The following KRTAP1-1 variants were observed in gnomAD, a reference collection of about 807,000 sequenced individuals.
KRTAP1-1 encodes keratin-associated protein 1-1.
KRTAP1-1 carries 9 observed loss-of-function variants against 14.1 expected under a neutral mutation model. That is an observed-to-expected ratio of 0.64 (90% CI 0.39 to 1.12). The LOEUF is 1.12. Among genes scored for constraint, KRTAP1-1 ranks in the 50% most tolerant of loss-of-function variants. KRTAP1-1 has a pLI of 0.01. For synonymous variants in KRTAP1-1, 77 were observed against 80.5 expected, an observed-to-expected ratio of 0.96 and a Z score of 0.23; for missense variants, 179 against 230.9, an observed-to-expected ratio of 0.78 and a Z score of 1.46.
chr17:41,040,750 T>C lies in KRTAP1-1; in HGVS notation c.*114A>G, dbSNP rs1159650139. 8 of 1,183,930 alleles carry C rather than the reference T, an allele frequency of 6.8e-6. No homozygotes were observed. In the Admixed American group the frequency reaches 1.8e-4, roughly 26 times the overall value. The allele number at this position is 1,183,930 out of a possible 1,614,324, so 73.3% of individuals were successfully genotyped here. On this transcript the variant is annotated 3_prime_UTR_variant, in exon 1 of 1. Transcript: ENST00000306271. ...TTCCTAGGGAATTTATGTGGCTGTG[T>C]GATGAGAGGTTGCAAGCCCAGTTAT...
Position 41,040,603 on chromosome 17 carries a change from T to A in KRTAP1-1, c.*261A>T. 1 of 419,398 alleles carries A rather than the reference T, an allele frequency of 2.4e-6. No individual in the cohort carries two copies. The highest frequency in any genetic ancestry group is 3.5e-5 in the East Asian group (1 of 28,792). The allele number at this position is 419,398 out of a possible 1,614,324, so 26.0% of individuals were successfully genotyped here. A position where few individuals can be genotyped will look rare whatever the true frequency, so the allele number is the denominator to read the frequency against. ...TTTATTAAATTTAAGTCCCAATAAC[T>A]GTTGAAATATTTCAGGTGATATTTA... On this transcript the variant is annotated 3_prime_UTR_variant, in exon 1 of 1. Transcript: ENST00000306271.
In KRTAP1-1 at chr17:41,041,387, C is replaced by T; in HGVS notation, c.11G>A (p.Cys4Tyr). ...GGGAAATCCACAGAAGCTGGTCTGA[C>T]AGCAGGCCATGGTGTCAGGAGTTGA... MAC[C>Y]QTSFCGFPSC... Residue 4 changes from cysteine (C) to tyrosine (Y), a missense_variant, in exon 1 of 1, where the codon TGT becomes TAT. By Grantham distance (194) the Cys-to-Tyr change is radical. Coordinates refer to ENST00000306271, the MANE Select transcript of KRTAP1-1 (RefSeq NM_030967.3). 1 of 1,613,180 alleles carries T rather than the reference C, an allele frequency of 6.2e-7. No individual in the cohort carries two copies. Among genetic ancestry groups the T allele is most frequent in the Non-Finnish European group, 8.5e-7 (1 of 1,179,898 alleles).
chr17:41,040,855 A>C lies in KRTAP1-1; in HGVS notation c.*9T>G. ...CCATCTTATCAGGATCCCCAGCAGA[A>C]GGAGGTTTTCAACAAGTGGGCTCAG... is the stretch of plus-strand genomic sequence containing the variant. On this transcript the variant is annotated 3_prime_UTR_variant, in exon 1 of 1. Coordinates refer to ENST00000306271, the MANE Select transcript of KRTAP1-1 (RefSeq NM_030967.3). The C allele has an allele frequency of 1.3e-6, 2 of 1,554,780 alleles. No homozygotes were observed. Among genetic ancestry groups the C allele is most frequent in the Middle Eastern group, 1.7e-4 (1 of 5,774 alleles).
Position 41,040,864 on chromosome 17 carries a change from T to C in KRTAP1-1, c.534A>G (p.Ter178TrpextTer14), listed in dbSNP as rs1328791416. Residue 178 changes from the stop codon to tryptophan (W), a stop_lost, in exon 1 of 1, where the codon TGA (stop) becomes TGG (tryptophan). Coordinates refer to ENST00000306271, the MANE Select transcript of KRTAP1-1 (RefSeq NM_030967.3). ...CAGGATCCCCAGCAGAAGGAGGTTT[T>C]CAACAAGTGGGCTCAGAGCAGTAGC... ...CCCYCSEPTC[*>W] is the part of the protein sequence containing the mutation. The C allele has an allele frequency of 6.4e-7, 1 of 1,560,390 alleles. No homozygotes were observed. The highest frequency in any genetic ancestry group is 1.9e-5 in the Admixed American group (1 of 53,528).
rs988661049 is a variant in KRTAP1-1, at chr17:41,041,117, C to G, written c.281G>C (p.Gly94Ala). 6.2e-7 allele frequency: 1 copy of G among 1,614,068 alleles called. No homozygotes were observed. Among genetic ancestry groups the G allele is most frequent in the Non-Finnish European group, 8.5e-7 (1 of 1,179,948 alleles). ...GCCAATGCCACCACCAATGCCACAGCCAGTTCCGCAGGAGCTGGTCTGGTA... is the reference window on the plus strand; with the variant it reads ...GCCAATGCCACCACCAATGCCACAGGCAGTTCCGCAGGAGCTGGTCTGGTA... ...SCYQTSSCGT[G>A]CGIGGGIGYG... Residue 94 changes from glycine to alanine, a missense_variant, in exon 1 of 1, where the codon GGC (glycine) becomes GCC (alanine). By Grantham distance (60) the Gly-to-Ala change is moderately conservative. Coordinates refer to ENST00000306271, the MANE Select transcript of KRTAP1-1 (RefSeq NM_030967.3).
In KRTAP1-1 at chr17:41,040,888, G is replaced by A. The variant is rs1048570683; in HGVS notation, c.510C>T (p.Cys170=). ...TTCAACAAGTGGGCTCAGAGCAGTA[G>A]CAGCAGCAGACTGGGCGGCAACAGG... ...GQSCCRPVCC[C]YCSEPTC Residue 170 remains cysteine (C), a synonymous_variant, in exon 1 of 1, where the codon TGC becomes TGT. Transcript: ENST00000306271. 1.3e-6 allele frequency: 2 copies of A among 1,591,950 alleles called. No homozygotes were observed. The highest frequency in any genetic ancestry group is 1.7e-5 in the Admixed American group (1 of 59,046).
At position 41,040,685 on chromosome 17, in the gene KRTAP1-1, C is replaced by T. The variant is rs2012689193; in HGVS notation, c.*179G>A. 3.0e-6 allele frequency: 2 copies of T among 667,638 alleles called. No homozygotes were observed. Among genetic ancestry groups the T allele is most frequent in the South Asian group, 5.8e-5 (2 of 34,474 alleles). The allele number at this position is 667,638 out of a possible 1,614,324, so 41.4% of individuals were successfully genotyped here. A position where few individuals can be genotyped will look rare whatever the true frequency, so the allele number is the denominator to read the frequency against. On this transcript the variant is annotated 3_prime_UTR_variant, in exon 1 of 1. Transcript: ENST00000306271. Reference sequence around the variant, plus strand: ...GTAGGACTTTGGCTGACAACCAGGTCTAGGAAAAATTTTTGGTCTTCCATT... The same window carrying T: ...GTAGGACTTTGGCTGACAACCAGGTTTAGGAAAAATTTTTGGTCTTCCATT...
chr17:41,041,041 G>A lies in KRTAP1-1; in HGVS notation c.357C>T (p.Cys119=), dbSNP rs769016484. 4.3e-6 allele frequency: 7 copies of A among 1,613,706 alleles called. No homozygotes were observed. In the South Asian group the frequency reaches 6.6e-5, roughly 15 times the overall value. The change falls in exon 1 of 1, where the codon TGC becomes TGT. Residue 119 remains cysteine (C), a synonymous_variant. Transcript: ENST00000306271. Reference sequence around the variant, plus strand: ...TACCCTCCACACGGCAGTCTGGGCGGCACCACCTGATACGGGTGCTCACAG... The same window carrying A: ...TACCCTCCACACGGCAGTCTGGGCGACACCACCTGATACGGGTGCTCACAG... ...SGAVSTRIRW[C]RPDCRVEGTC... is the part of the protein sequence containing the mutation.
chr17:41,041,063 A>C lies in KRTAP1-1; in HGVS notation c.335T>G (p.Val112Gly). 1.2e-6 allele frequency: 2 copies of C among 1,613,814 alleles called. No individual in the cohort carries two copies. The highest frequency in any genetic ancestry group is 1.7e-6 in the Non-Finnish European group (2 of 1,180,012). The change falls in exon 1 of 1, where the codon GTG becomes GGG. Residue 112 changes from valine to glycine, a missense_variant. Val to Gly is a moderately radical substitution (Grantham distance 109). Coordinates refer to ENST00000306271, the MANE Select transcript of KRTAP1-1 (RefSeq NM_030967.3). ...GYGQEGSSGAVSTRIRWCRPD... is the reference protein window; with the variant it reads ...GYGQEGSSGAGSTRIRWCRPD... ...GCGGCACCACCTGATACGGGTGCTC[A>C]CAGCTCCACTGCTGCCCTCCTGGCC...
At position 41,040,781 on chromosome 17, in the gene KRTAP1-1, C is replaced by T. The variant is rs1005857893; in HGVS notation, c.*83G>A. On this transcript the variant is annotated 3_prime_UTR_variant, in exon 1 of 1. Coordinates refer to ENST00000306271, the MANE Select transcript of KRTAP1-1 (RefSeq NM_030967.3). ...GAGGTTGCAAGCCCAGTTATAGGTA[C>T]TGGAGTTCAGAAGATTGTTAGGATT... 106 of 1,385,060 alleles carry T rather than the reference C, an allele frequency of 7.7e-5. 3 individuals carry two copies. The highest frequency in any genetic ancestry group is 7.0e-4 in the South Asian group (49 of 70,084). The allele number at this position is 1,385,060 out of a possible 1,614,324, so 85.8% of individuals were successfully genotyped here. A position where few individuals can be genotyped will look rare whatever the true frequency, so the allele number is the denominator to read the frequency against.
At position 41,040,749 on chromosome 17, in the gene KRTAP1-1, G is replaced by T; in HGVS notation, c.*115C>A. Reference sequence around the variant, plus strand: ...CTTCCTAGGGAATTTATGTGGCTGTGTGATGAGAGGTTGCAAGCCCAGTTA... The same window carrying T: ...CTTCCTAGGGAATTTATGTGGCTGTTTGATGAGAGGTTGCAAGCCCAGTTA... On this transcript the variant is annotated 3_prime_UTR_variant, in exon 1 of 1. Transcript: ENST00000306271. 1 of 1,178,508 alleles carries T rather than the reference G, an allele frequency of 8.5e-7. No homozygotes were observed. The highest frequency in any genetic ancestry group is 1.2e-6 in the Non-Finnish European group (1 of 854,832). The allele number at this position is 1,178,508 out of a possible 1,614,324, so 73.0% of individuals were successfully genotyped here.
rs759174332 is a variant in KRTAP1-1, at chr17:41,041,164, A to C, written c.234T>G (p.Thr78=). 1 of 1,611,668 alleles carries C rather than the reference A, an allele frequency of 6.2e-7. No homozygotes were observed. Among genetic ancestry groups the C allele is most frequent in the Non-Finnish European group, 8.5e-7 (1 of 1,178,864 alleles). ...GGTAGCAGCTTGGCTGGCAGCAGCT[A>C]GTTTCACAGCAGCTTGGCTGGCAGC... is the stretch of plus-strand genomic sequence containing the variant. The part of the protein sequence containing the change: ...SSCCQPSCCE[T]SCCQPSCYQT... Residue 78 remains threonine, a synonymous_variant, in exon 1 of 1, where the codon ACT becomes ACG. Coordinates refer to ENST00000306271, the MANE Select transcript of KRTAP1-1 (RefSeq NM_030967.3).
Position 41,041,314 on chromosome 17 carries a change from G to T in KRTAP1-1, c.84C>A (p.Ser28Arg), listed in dbSNP as rs367698389. Residue 28 changes from serine (S) to arginine (R), a missense_variant, in exon 1 of 1, where the codon AGC becomes AGA. Ser to Arg is a moderately radical substitution (Grantham distance 110). Transcript: ENST00000306271. Reference protein sequence around the residue: ...GTCGSSCCQPSCCETSSCQPR... With the variant: ...GTCGSSCCQPRCCETSSCQPR... ...GCTGGCAGGAGCTGGTCTCACAGCA[G>T]CTTGGCTGGCAGCAGCTGGAGCCGC... The T allele has an allele frequency of 2.3e-5, 36 of 1,536,506 alleles. No individual in the cohort carries two copies. The highest frequency in any genetic ancestry group is 6.1e-5 in the Admixed American group (3 of 49,374).
Position 41,041,045 on chromosome 17 carries a change from C to T in KRTAP1-1, c.353G>A (p.Trp118Ter), listed in dbSNP as rs1405134773. ...SSGAVSTRIRWCRPDCRVEGT... is the reference protein window; with the variant it reads ...SSGAVSTRIR ...CTCCACACGGCAGTCTGGGCGGCAC[C>T]ACCTGATACGGGTGCTCACAGCTCC... Residue 118 changes from tryptophan to a stop codon, truncating the protein, a stop_gained, in exon 1 of 1, where the codon TGG becomes TAG. Coordinates refer to ENST00000306271, the MANE Select transcript of KRTAP1-1 (RefSeq NM_030967.3). LOFTEE classifies it high-confidence loss of function. 4 of 1,613,650 alleles carry T rather than the reference C, an allele frequency of 2.5e-6. No individual in the cohort carries two copies. The highest frequency in any genetic ancestry group is 3.4e-6 in the Non-Finnish European group (4 of 1,180,012).
rs557959680 is a variant in KRTAP1-1 at position 41,041,212 on chromosome 17, G to T, written c.186C>A (p.Thr62=). ...AGCAGCTAGAGTCACAAGTCCCACCGGTTGAGAAGCTAGGAAATCCACAGA... is the reference window on the plus strand; with the variant it reads ...AGCAGCTAGAGTCACAAGTCCCACCTGTTGAGAAGCTAGGAAATCCACAGA... ...TSFCGFPSFS[T]GGTCDSSCCQ... is the part of the protein sequence containing the mutation. Residue 62 remains threonine (T), a synonymous_variant, in exon 1 of 1, where the codon ACC becomes ACA. Coordinates refer to ENST00000306271, the MANE Select transcript of KRTAP1-1 (RefSeq NM_030967.3). 3 of 1,563,714 alleles carry T rather than the reference G, an allele frequency of 1.9e-6. No individual in the cohort carries two copies. The highest frequency in any genetic ancestry group is 1.6e-5 in the African/African-American group (1 of 64,182).
chr17:41,040,812 T>C lies in KRTAP1-1; in HGVS notation c.*52A>G. The stretch of plus-strand genomic sequence containing the variant: ...TTCAGAAGATTGTTAGGATTCTAAT[T>C]TGGCTAGTTTTAAGGTGCCATCTTA... On this transcript the variant is annotated 3_prime_UTR_variant, in exon 1 of 1. Coordinates refer to ENST00000306271, the MANE Select transcript of KRTAP1-1 (RefSeq NM_030967.3). The C allele has an allele frequency of 6.0e-6, 9 of 1,505,554 alleles. No homozygotes were observed. Among genetic ancestry groups the C allele is most frequent in the Non-Finnish European group, 8.0e-6 (9 of 1,120,384 alleles). 93.3% of individuals were successfully genotyped at this position (1,505,554 alleles called of 1,614,324 possible).
In KRTAP1-1 at chr17:41,041,436, G is replaced by C; in HGVS notation, c.-39C>G. The C allele has an allele frequency of 6.2e-7, 1 of 1,603,392 alleles. No homozygotes were observed. Among genetic ancestry groups the C allele is most frequent in the Non-Finnish European group, 8.5e-7 (1 of 1,172,034 alleles). ...GATCTGAAGGTTGGGTTGCTTGGAG[G>C]AGTTTCTGAATTATGGCTGCCTATT... is the stretch of plus-strand genomic sequence containing the variant. On this transcript the variant is annotated 5_prime_UTR_variant, in exon 1 of 1. Coordinates refer to ENST00000306271, the MANE Select transcript of KRTAP1-1 (RefSeq NM_030967.3).
In KRTAP1-1 at chr17:41,040,780, AC is replaced by A. The variant is rs1282153418; in HGVS notation, c.*83del. On this transcript the variant is annotated 3_prime_UTR_variant, in exon 1 of 1. Transcript: ENST00000306271. ...AGAGGTTGCAAGCCCAGTTATAGGTACTGGAGTTCAGAAGATTGTTAGGATT... is the reference window on the plus strand; with the variant it reads ...AGAGGTTGCAAGCCCAGTTATAGGTATGGAGTTCAGAAGATTGTTAGGATT... 1.4e-5 allele frequency: 19 copies of A among 1,368,350 alleles called. No homozygotes were observed. Among genetic ancestry groups the A allele is most frequent in the Non-Finnish European group, 1.8e-5 (18 of 1,006,378 alleles). 84.8% of individuals were successfully genotyped at this position (1,368,350 alleles called of 1,614,324 possible).
chr17:41,040,893 A>T lies in KRTAP1-1; in HGVS notation c.505T>A (p.Cys169Ser), dbSNP rs1442759225. 1.3e-6 allele frequency: 2 copies of T among 1,595,466 alleles called. No homozygotes were observed. Among genetic ancestry groups the T allele is most frequent in the African/African-American group, 1.3e-5 (1 of 74,664 alleles). Residue 169 changes from cysteine (C) to serine (S), a missense_variant, in exon 1 of 1, where the codon TGC becomes AGC. Coordinates refer to ENST00000306271, the MANE Select transcript of KRTAP1-1 (RefSeq NM_030967.3). ...CGQSCCRPVC[C>S]CYCSEPTC ...CAAGTGGGCTCAGAGCAGTAGCAGC[A>T]GCAGACTGGGCGGCAACAGGACTGT...
Sources: gnomAD v4.1 joint callset for allele counts on GRCh38, gnomAD v4.1.1 for gene constraint, MANE v1.5 for transcripts, NCBI Gene and HGNC (gene_info 2026-07-23, HGNC 2026-07-21) for gene names.